ZMYM4: variants seen among roughly 807,000 people sequenced by gnomAD.
ZMYM4 encodes zinc finger MYM-type containing 4.
A neutral mutation model predicts 183.2 loss-of-function variants in ZMYM4; 31 were observed. The ratio of observed to expected loss-of-function variants is 0.17; its 90% CI spans 0.13 to 0.23. ZMYM4 has a LOEUF of 0.23. ZMYM4 is among the 10% of genes least tolerant of loss of function. The probability of loss-of-function intolerance (pLI) is 1.00; values close to 1 mark genes in which losing one functional copy is unlikely to be tolerated. For missense variants in ZMYM4, 1,273 were observed against 1,840.3 expected (o/e 0.69, Z 5.64); for synonymous variants, 592 against 631.2 (o/e 0.94, Z 0.93).
At chr1:35,396,861 G>A (rs899090718) in intron 19 of ZMYM4, among the ~76,000 whole-genome samples, 191 bp downstream of exon 19, 3 of 152,020 alleles carry the variant, frequency 2.0e-5, no homozygotes, top group Non-Finnish European at 2.9e-5. Flanking sequence ...TTCCTTCTCA[G>A]AAAAGGTTAT....
intron 2 of ZMYM4, among the ~76,000 whole-genome samples, chr1:35,347,049 A>C (rs1289162318): frequency 6.6e-6 from 1 of 152,240 alleles, no homozygotes; most frequent in Non-Finnish European, 1.5e-5. Context: ...CTTGTCACCC[A>C]GGCTGGAGTG....
rs753509425 is a variant in ZMYM4 at position 35,396,655 on chromosome 1, T to C, written c.3015T>C (p.Phe1005=). ...HLYTQYAPVP[F]GIPVPMPVPM... ...ATACTCAATATGCTCCAGTCCCATT[T>C]GGAATTCCAGTTCCAGTGAGTAATC... The change falls in exon 19 of 30, where the codon TTT becomes TTC. Residue 1005 remains phenylalanine, a synonymous_variant. Transcript: ENST00000314607. 3.1e-6 allele frequency: 5 copies of C among 1,613,168 alleles called. No homozygotes were observed. The South Asian group carries it at 4.4e-5, about 14-fold the overall frequency.
chr1:35,313,183 C>T (rs545635558), intron 1 of ZMYM4, among the ~76,000 whole-genome samples: 6 of 151,998 alleles, frequency 3.9e-5, no homozygotes, highest in Admixed American at 6.6e-5. Flanking sequence ...CATGAGCCAC[C>T]GTGACCGGCC....
intron 5 of ZMYM4, among the ~76,000 whole-genome samples, chr1:35,365,328 A>G (rs1397569477): frequency 1.3e-5 from 2 of 151,750 alleles, no homozygotes; most frequent in Non-Finnish European, 2.9e-5. Flanking sequence ...AAGGTTTCAA[A>G]ATAGATACTT....
intron 1 of ZMYM4, among the ~76,000 whole-genome samples, chr1:35,303,877 C>T (rs923166393): frequency 7.9e-5 from 12 of 152,004 alleles, no homozygotes; most frequent in Admixed American, 2.6e-4. Flanking sequence ...TAAGTTATAT[C>T]AATAACTTAT....
At chr1:35,291,179 G>C (rs1039425583) in intron 1 of ZMYM4, among the ~76,000 whole-genome samples, 1 of 152,042 alleles carries the variant, frequency 6.6e-6, no homozygotes, top group African/African-American at 2.4e-5. Flanking sequence ...TATAAATACT[G>C]TATGTCTTCT....
chr1:35,328,646 T>G (rs930703784), intron 2 of ZMYM4, among the ~76,000 whole-genome samples: 1 of 152,046 alleles, frequency 6.6e-6, no homozygotes, highest in African/African-American at 2.4e-5. Flanking sequence ...CAATAAAGGT[T>G]ACCCTTTATC....
At chr1:35,275,785 T>TA (rs948179026) in intron 1 of ZMYM4, among the ~76,000 whole-genome samples, 38 of 151,092 alleles carry the variant, frequency 2.5e-4, no homozygotes, top group African/African-American at 4.1e-4. Flanking sequence ...CCATTTGACT[T>TA]AAAAAAAAAT....
chr1:35,419,348 G>A (rs1389056242), intron 29 of ZMYM4, 122 bp from the exon 30 acceptor site: 16 of 1,020,596 alleles, frequency 1.6e-5, no homozygotes, highest in Non-Finnish European at 2.2e-5. Context: ...TGCAGTTTTT[G>A]CCCTTACTTT....
At chr1:35,369,622 C>T (rs974805741) in intron 5 of ZMYM4, among the ~76,000 whole-genome samples, 1 of 151,248 alleles carries the variant, frequency 6.6e-6, no homozygotes, top group Non-Finnish European at 1.5e-5. Context: ...AGAAATATAC[C>T]CAAAGAATAA....
At chr1:35,410,898 A>G (rs554019210) in intron 26 of ZMYM4, among the ~76,000 whole-genome samples, 2 of 152,086 alleles carry the variant, frequency 1.3e-5, no homozygotes, top group East Asian at 3.9e-4. Context: ...CTAGGAATCT[A>G]CTGCCACATT....
chr1:35,416,649 C>T (rs547175257), intron 28 of ZMYM4, among the ~76,000 whole-genome samples: 3 of 152,226 alleles, frequency 2.0e-5, no homozygotes, highest in African/African-American at 7.2e-5. Flanking sequence ...CTGCAGACTT[C>T]GCCTCCCAGG....
At position 35,359,310 on chromosome 1, in the gene ZMYM4, A is replaced by C; in HGVS notation, c.471A>C (p.Leu157=). Residue 157 remains leucine (L), a synonymous_variant, in exon 3 of 30, where the codon CTA becomes CTC. Coordinates refer to ENST00000314607, the MANE Select transcript of ZMYM4 (RefSeq NM_005095.3). ...AATCAATACGGAAAGATTTTAGTCT[A>C]GTAAGAGAAAACAGCAAAGAGACAT... ...VFKSIRKDFS[L]VRENSKETFS... 6.2e-7 allele frequency: 1 copy of C among 1,610,896 alleles called. No homozygotes were observed. Among genetic ancestry groups the C allele is most frequent in the Non-Finnish European group, 8.5e-7 (1 of 1,179,118 alleles).
intron 1 of ZMYM4, among the ~76,000 whole-genome samples, chr1:35,319,564 A>G (rs554957868): frequency 2.8e-4 from 42 of 152,284 alleles, no homozygotes; most frequent in African/African-American, 1.0e-3. Context: ...TTGAGGCTGC[A>G]GTGAGCCATG....
rs748360146 is a variant in ZMYM4, at chr1:35,361,606, T to C, written c.670-13T>C. ...AATCTGAATATTTATTAATCCTTTA[T>C]ATTGTGTTTTAGGATTCCAGCTACC... On this transcript the variant is annotated splice_polypyrimidine_tract_variant and intron_variant, in intron 4 of 29. Coordinates refer to ENST00000314607, the MANE Select transcript of ZMYM4 (RefSeq NM_005095.3). The C allele has an allele frequency of 4.4e-6, 7 of 1,606,392 alleles. No individual in the cohort carries two copies. In the Admixed American group the frequency reaches 1.2e-4, roughly 28 times the overall value.
chr1:35,280,087 TTC>T (rs950355741), intron 1 of ZMYM4, among the ~76,000 whole-genome samples: 8 of 152,096 alleles, frequency 5.3e-5, no homozygotes, highest in South Asian at 4.2e-4. Context: ...ACATTTTTTT[TTC>T]TCTCTTTCTC....
At chr1:35,363,392 C>T (rs1438299715) in intron 5 of ZMYM4, among the ~76,000 whole-genome samples, 1 of 152,150 alleles carries the variant, frequency 6.6e-6, no homozygotes, top group African/African-American at 2.4e-5. Context: ...CATTGCAGGA[C>T]ATTTAGTAAG....
At chr1:35,313,021 G>A (rs1641873270) in intron 1 of ZMYM4, among the ~76,000 whole-genome samples, 1 of 152,174 alleles carries the variant, frequency 6.6e-6, no homozygotes, top group African/African-American at 2.4e-5. Context: ...AGCCTCCCGA[G>A]TAGCTGGGAC....
In ZMYM4 at chr1:35,333,256, A is replaced by AT. The variant is rs60325743; in HGVS notation, c.85+7870dup. Among the ~76,000 whole-genome samples the AT allele has an allele frequency of 2.9e-3, 337 of 115,906 alleles. 4 individuals are homozygous for AT. Among genetic ancestry groups the AT allele is most frequent in the East Asian group, 0.016 (69 of 4,328 alleles). The allele number at this position is 115,906 out of a possible 152,430, so 76.0% of individuals were successfully genotyped here. A position where few individuals can be genotyped will look rare whatever the true frequency, so the allele number is the denominator to read the frequency against. ...AATTGCATGAATCTGATCATACATG[A>AT]TTTTTTTTTTTTTTTTTTTGAGACA... On this transcript the variant is annotated intron_variant, in intron 2 of 29. Coordinates refer to ENST00000314607, the MANE Select transcript of ZMYM4 (RefSeq NM_005095.3).
Sources: allele counts gnomAD v4.1 joint callset (sites outside exome capture counted in the v4.1 genomes callset), GRCh38; gene constraint gnomAD v4.1.1; transcripts MANE v1.5; gene names NCBI Gene and HGNC (gene_info 2026-07-23, HGNC 2026-07-21).